LRRTM4: variants seen among roughly 807,000 people sequenced by gnomAD.
LRRTM4 encodes the protein leucine-rich repeat transmembrane neuronal protein 4.
A neutral mutation model predicts 47.6 loss-of-function variants in LRRTM4; 25 were observed. That is an observed-to-expected ratio of 0.53 (90% confidence interval 0.38 to 0.73). The LOEUF (loss-of-function observed/expected upper bound fraction) is 0.73, where lower values mean the gene tolerates loss of function less well. Ranked by LOEUF, LRRTM4 falls within the 30% of genes least tolerant of loss-of-function variation. The probability of loss-of-function intolerance (pLI) is 0.00; values close to 1 mark genes in which losing one functional copy is unlikely to be tolerated. For synonymous variants in LRRTM4, 311 were observed against 269.5 expected, an observed-to-expected ratio of 1.15 and a Z score of -1.51; for missense variants, 638 against 713.4, an observed-to-expected ratio of 0.89 and a Z score of 1.20.
At chr2:77,500,086 G>T (rs1035616844) in intron 3 of LRRTM4, among the ~76,000 whole-genome samples, 1 of 151,668 alleles carries the variant, frequency 6.6e-6, no homozygotes, top group African/African-American at 2.4e-5. Flanking sequence ...TAGCTGCCGG[G>T]CCACTTTACT....
chr2:76,812,427 G>A (rs551906793), intron 3 of LRRTM4, among the ~76,000 whole-genome samples: 140 of 152,252 alleles, frequency 9.2e-4, no homozygotes, highest in South Asian at 1.7e-3. Flanking sequence ...AATGGCCCTG[G>A]CAGTAAATTC....
chr2:77,027,965 G>T (rs1332001102), intron 3 of LRRTM4, among the ~76,000 whole-genome samples: 1 of 136,188 alleles, frequency 7.3e-6, no homozygotes, highest in Admixed American at 7.9e-5. Context: ...CTCTTATCTA[G>T]TATTTGTTTA....
At chr2:76,904,447 A>G (rs573153543) in intron 3 of LRRTM4, among the ~76,000 whole-genome samples, 28 of 152,298 alleles carry the variant, frequency 1.8e-4, no homozygotes, top group Non-Finnish European at 3.2e-4. Flanking sequence ...ACGCTTTACA[A>G]TTCCATATAT....
intron 3 of LRRTM4, among the ~76,000 whole-genome samples, chr2:77,247,421 G>A (rs1561527): frequency 0.55 from 83,092 of 151,766 alleles, 23,099 homozygotes; most frequent in African/African-American, 0.6. Context: ...TGTTACATAC[G>A]TGAAAAAACC....
intron 3 of LRRTM4, among the ~76,000 whole-genome samples, chr2:77,383,088 C>T (rs1238779126): frequency 1.3e-5 from 2 of 151,868 alleles, no homozygotes; most frequent in Non-Finnish European, 2.9e-5. Flanking sequence ...AGTTTGGTAC[C>T]TCAAATTAAG....
intron 3 of LRRTM4, among the ~76,000 whole-genome samples, chr2:76,981,970 C>T (rs559404377): frequency 4.6e-5 from 7 of 152,100 alleles, no homozygotes; most frequent in South Asian, 2.1e-4. Flanking sequence ...TAAACTGCCT[C>T]GGAGAAGGTT....
chr2:76,887,592 T>C (rs1294704135), intron 3 of LRRTM4, among the ~76,000 whole-genome samples: 2 of 148,652 alleles, frequency 1.3e-5, no homozygotes, highest in Non-Finnish European at 3.0e-5. Flanking sequence ...CAAACAGATA[T>C]AATATATACA....
chr2:77,324,412 G>C (rs922321241), intron 3 of LRRTM4, among the ~76,000 whole-genome samples: 7 of 152,128 alleles, frequency 4.6e-5, no homozygotes, highest in African/African-American at 1.4e-4. Context: ...GTAAGGAATA[G>C]TGTGAGAGCA....
At chr2:77,412,258 C>G (rs1240592743) in intron 3 of LRRTM4, among the ~76,000 whole-genome samples, 2 of 152,160 alleles carry the variant, frequency 1.3e-5, no homozygotes, top group African/African-American at 4.8e-5. Context: ...GCAGTACAAT[C>G]AAGATTCTAG....
intron 3 of LRRTM4, among the ~76,000 whole-genome samples, chr2:77,192,624 C>T (rs1041038501): frequency 3.0e-5 from 4 of 133,530 alleles, no homozygotes; most frequent in African/African-American, 7.7e-5. Flanking sequence ...TAACTGTAGA[C>T]TGCACAATTT....
intron 3 of LRRTM4, chr2:77,518,034 A>G: frequency 8.7e-7 from 1 of 1,144,612 alleles, no homozygotes; most frequent in Non-Finnish European, 1.1e-6. Flanking sequence ...TTTTAAGTCC[A>G]ACCCCTGTAT....
chr2:77,518,833 G>T lies in LRRTM4; in HGVS notation c.1036C>A (p.Gln346Lys). The change falls in exon 3 of 4, where the codon CAG (glutamine) becomes AAG (lysine). Residue 346 changes from glutamine to lysine, a missense_variant. Physicochemically the swap from Gln to Lys is moderately conservative, Grantham distance 53. Transcript: ENST00000409884. ...TMICAGPKHI[Q>K]GEKVSDAVET... Reference sequence around the variant, plus strand: ...ACTGCATCACTAACCTTTTCACCCTGGATGTGCTTAGGTCCCGCACATATC... The same window carrying T: ...ACTGCATCACTAACCTTTTCACCCTTGATGTGCTTAGGTCCCGCACATATC... 6.2e-7 allele frequency: 1 copy of T among 1,609,928 alleles called. No homozygotes were observed. The highest frequency in any genetic ancestry group is 8.5e-7 in the Non-Finnish European group (1 of 1,177,844).
chr2:77,226,637 C>T, intron 3 of LRRTM4, among the ~76,000 whole-genome samples: 1 of 151,456 alleles, frequency 6.6e-6, no homozygotes, highest in East Asian at 1.9e-4. Flanking sequence ...ATAATGTTGT[C>T]TCAAAAATTA....
chr2:77,206,493 G>C (rs1054713808), intron 3 of LRRTM4, among the ~76,000 whole-genome samples: 4 of 151,132 alleles, frequency 2.6e-5, no homozygotes, highest in East Asian at 3.9e-4. Flanking sequence ...CCTCAAAAAA[G>C]ATTTTTTTTG....
At position 76,796,157 on chromosome 2, in the gene LRRTM4, C is replaced by G. The variant is rs891419436; in HGVS notation, c.1552-47241G>C. Among the ~76,000 whole-genome samples, 6 of 144,118 alleles carry G rather than the reference C, an allele frequency of 4.2e-5. 1 individual carries two copies. Among genetic ancestry groups the G allele is most frequent in the African/African-American group, 1.3e-4 (5 of 39,506 alleles). 94.5% of individuals were successfully genotyped at this position (144,118 alleles called of 152,430 possible). A position where few individuals can be genotyped will look rare whatever the true frequency, so the allele number is the denominator to read the frequency against. ...AAGATTATATCCCGCACATGGCTCG[C>G]AGGGTCCTACGCCCACAGAGCCTCG... On this transcript the variant is annotated intron_variant, in intron 3 of 3. Coordinates refer to ENST00000409884, the MANE Select transcript of LRRTM4 (RefSeq NM_001134745.3).
At chr2:76,924,923 C>A (rs1034498198) in intron 3 of LRRTM4, among the ~76,000 whole-genome samples, 10 of 152,064 alleles carry the variant, frequency 6.6e-5, no homozygotes, top group East Asian at 3.9e-4. Context: ...AAGCCGGAAC[C>A]CTTCTGACTT....
intron 3 of LRRTM4, among the ~76,000 whole-genome samples, chr2:77,254,517 T>C (rs2104022185): frequency 6.6e-6 from 1 of 151,988 alleles, no homozygotes; most frequent in Non-Finnish European, 1.5e-5. Flanking sequence ...GAATAAAAAA[T>C]ATGGGTAGAT....
intron 3 of LRRTM4, among the ~76,000 whole-genome samples, chr2:77,265,631 A>G (rs1354781093): frequency 1.3e-5 from 2 of 152,148 alleles, no homozygotes; most frequent in Non-Finnish European, 2.9e-5. Context: ...CTAAGACAGG[A>G]CTAATATAGA....
chr2:77,025,692 A>G (rs543825851), intron 3 of LRRTM4, among the ~76,000 whole-genome samples: 62 of 152,340 alleles, frequency 4.1e-4, no homozygotes, highest in Admixed American at 7.8e-4. Context: ...ACAAAAATGT[A>G]GAATATTTCT....
Sources: allele counts gnomAD v4.1 joint callset (sites outside exome capture counted in the v4.1 genomes callset), GRCh38; gene constraint gnomAD v4.1.1; transcripts MANE v1.5; gene names NCBI Gene and HGNC (gene_info 2026-07-23, HGNC 2026-07-21).